The following NRSN1 variants were observed in gnomAD, a reference collection of about 807,000 sequenced individuals.
NRSN1 encodes the protein neurensin-1.
A neutral mutation model predicts 17.3 loss-of-function variants in NRSN1; 14 were observed. The ratio of observed to expected loss-of-function variants is 0.81; its 90% confidence interval spans 0.54 to 1.27. The LOEUF (loss-of-function observed/expected upper bound fraction) is 1.27. NRSN1 is among the 50% of genes most tolerant of loss of function. NRSN1 has a pLI of 0.00. For synonymous variants in NRSN1, 79 were observed against 94.2 expected (o/e 0.84, Z 0.93); for missense variants, 209 against 235.9 (o/e 0.89, Z 0.75).
chr6:24,135,812 A>G (rs1256027308), intron 3 of NRSN1, among the ~76,000 whole-genome samples: 1 of 152,174 alleles, frequency 6.6e-6, no homozygotes, highest in Non-Finnish European at 1.5e-5. Flanking sequence ...GACATAGAAG[A>G]GAAGAGGGCA....
rs796293000 is a variant in NRSN1 at position 24,142,800 on chromosome 6, G to A, written c.190-2748G>A. Among the ~76,000 whole-genome samples the A allele has an allele frequency of 5.1e-4, 77 of 152,324 alleles. 2 individuals carry two copies. The highest frequency in any genetic ancestry group is 1.7e-3 in the African/African-American group (69 of 41,578). On this transcript the variant is annotated intron_variant, in intron 3 of 3. Transcript: ENST00000378491. ...TAGTGCGGACCCAGAGTCAGCAGCA[G>A]CAAAATATACTGTGAAGAGCGAAAG...
chr6:24,133,459 G>A (rs963137943), intron 2 of NRSN1, among the ~76,000 whole-genome samples: 2 of 152,152 alleles, frequency 1.3e-5, no homozygotes, highest in South Asian at 2.1e-4. Context: ...ACATGAGATC[G>A]GAAGGCAAAA....
In NRSN1 at chr6:24,145,495, G is replaced by A. The variant is rs907534947; in HGVS notation, c.190-53G>A. 103 of 1,435,844 alleles carry A rather than the reference G, an allele frequency of 7.2e-5. No homozygotes were observed. The highest frequency in any genetic ancestry group is 7.1e-5 in the Non-Finnish European group (76 of 1,067,342). The allele number at this position is 1,435,844 out of a possible 1,614,324, so 88.9% of individuals were successfully genotyped here. On this transcript the variant is annotated intron_variant, in intron 3 of 3. Transcript: ENST00000378491. This position sits in a 1 kb window ranked among gnomAD's most constrained non-coding sequence, Gnocchi z 4.4. ...GTGCTGCCCTTGAGGGCTCAGGGGC[G>A]AGCCGAAGCACCTTCCTCACTCTAT... is the stretch of plus-strand genomic sequence containing the variant.
intron 2 of NRSN1, chr6:24,129,697 T>C (rs1343687749): frequency 1.3e-5 from 2 of 152,202 alleles, no homozygotes; most frequent in African/African-American, 4.8e-5. Context: ...TGGGTTATGA[T>C]AGGTGTGCTG....
At chr6:24,140,221 A>G (rs968693439) in intron 3 of NRSN1, among the ~76,000 whole-genome samples, 29 of 152,326 alleles carry the variant, frequency 1.9e-4, no homozygotes, top group African/African-American at 6.3e-4. Context: ...CGTGGCTGTC[A>G]AGGGTAGAAC....
In NRSN1 at chr6:24,130,639, AAAC is replaced by A. The variant is rs570671128; in HGVS notation, c.-10+2444_-10+2446del. 3.0e-3 allele frequency among the ~76,000 whole-genome samples: 451 copies of A among 152,302 alleles called. 3 individuals are homozygous for A. The highest frequency in any genetic ancestry group is 0.01 in the African/African-American group (435 of 41,564). On this transcript the variant is annotated intron_variant, in intron 2 of 3. Coordinates refer to ENST00000378491, the MANE Select transcript of NRSN1 (RefSeq NM_080723.5). The stretch of plus-strand genomic sequence containing the variant: ...ATACGTGATACTGAAGTAACTTGTT[AAAC>A]AACATACGAACATTTAGTCTACCTA...
rs71002461 is a variant in NRSN1, at chr6:24,134,004, T to TTGTGTGTGTGTGTGTGTG, written c.-9-295_-9-278dup. On this transcript the variant is annotated intron_variant, in intron 2 of 3. Coordinates refer to ENST00000378491, the MANE Select transcript of NRSN1 (RefSeq NM_080723.5). ...GGTGCCCACCACCACACCCAGCTAA[T>TTGTGTGTGTGTGTGTGTG]TGTGTGTGTGTGTGTGTGTGTGTGT... Among the ~76,000 whole-genome samples the TTGTGTGTGTGTGTGTGTG allele has an allele frequency of 6.8e-3, 900 of 132,906 alleles. 10 individuals are homozygous for TTGTGTGTGTGTGTGTGTG. Among genetic ancestry groups the TTGTGTGTGTGTGTGTGTG allele is most frequent in the Middle Eastern group, 0.014 (4 of 276 alleles). 87.2% of individuals were successfully genotyped at this position (132,906 alleles called of 152,430 possible).
At position 24,134,004 on chromosome 6, in the gene NRSN1, T is replaced by TGTGTGTGTGTG. The variant is rs1760075346; in HGVS notation, c.-9-315_-9-314insGTGTGTGTGTG. Among the ~76,000 whole-genome samples the TGTGTGTGTGTG allele has an allele frequency of 3.0e-5, 4 of 132,858 alleles. 1 individual carries two copies. Among genetic ancestry groups the TGTGTGTGTGTG allele is most frequent in the South Asian group, 2.8e-4 (1 of 3,624 alleles). 87.2% of individuals were successfully genotyped at this position (132,858 alleles called of 152,430 possible). On this transcript the variant is annotated intron_variant, in intron 2 of 3. Transcript: ENST00000378491. ...GGTGCCCACCACCACACCCAGCTAATTGTGTGTGTGTGTGTGTGTGTGTGT... is the reference window on the plus strand; with the variant it reads ...GGTGCCCACCACCACACCCAGCTAATGTGTGTGTGTGTGTGTGTGTGTGTGTGTGTGTGTGT...
chr6:24,142,184 A>C (rs980700457), intron 3 of NRSN1, among the ~76,000 whole-genome samples: 1 of 71,380 alleles, frequency 1.4e-5, no homozygotes, highest in Non-Finnish European at 3.2e-5. Flanking sequence ...TGTCTTATAC[A>C]GAACAGCTTT....
At chr6:24,144,633 A>G (rs1348321695) in intron 3 of NRSN1, among the ~76,000 whole-genome samples, 1 of 152,186 alleles carries the variant, frequency 6.6e-6, no homozygotes, top group Non-Finnish European at 1.5e-5. Context: ...ATGAGAAAGA[A>G]GTAGGTGTCA....
chr6:24,146,056 C>A lies in NRSN1; in HGVS notation c.*110C>A. 9.0e-7 allele frequency: 1 copy of A among 1,116,348 alleles called. No homozygotes were observed. Among genetic ancestry groups the A allele is most frequent in the Non-Finnish European group, 1.4e-6 (1 of 732,632 alleles). The allele number at this position is 1,116,348 out of a possible 1,614,324, so 69.2% of individuals were successfully genotyped here. A position where few individuals can be genotyped will look rare whatever the true frequency, so the allele number is the denominator to read the frequency against. ...GCGTTGACTGCCCTAGGGCTGTGTT[C>A]AGCTGTGGGCAATATAATGGGTGGA... is the stretch of plus-strand genomic sequence containing the variant. On this transcript the variant is annotated 3_prime_UTR_variant, in exon 4 of 4. Coordinates refer to ENST00000378491, the MANE Select transcript of NRSN1 (RefSeq NM_080723.5).
chr6:24,145,107 G>T lies in NRSN1; in HGVS notation c.190-441G>T, dbSNP rs1045025822. Reference sequence around the variant, plus strand: ...ATTATATATTTTATATATATCTTTAGATATATATATAATATACATATCTTT... The same window carrying T: ...ATTATATATTTTATATATATCTTTATATATATATATAATATACATATCTTT... On this transcript the variant is annotated intron_variant, in intron 3 of 3. Coordinates refer to ENST00000378491, the MANE Select transcript of NRSN1 (RefSeq NM_080723.5). This position sits in a 1 kb window ranked among gnomAD's most constrained non-coding sequence, Gnocchi z 4.4. Among the ~76,000 whole-genome samples, 74 of 135,908 alleles carry T rather than the reference G, an allele frequency of 5.4e-4. No individual in the cohort carries two copies. The highest frequency in any genetic ancestry group is 7.8e-3 in the Middle Eastern group (2 of 256). The allele number at this position is 135,908 out of a possible 152,430, so 89.2% of individuals were successfully genotyped here.
In NRSN1 at chr6:24,145,978, T is replaced by A. The variant is rs754785760; in HGVS notation, c.*32T>A. The A allele has an allele frequency of 6.3e-7, 1 of 1,577,154 alleles. No homozygotes were observed. The highest frequency in any genetic ancestry group is 2.2e-5 in the East Asian group (1 of 44,640). ...TCCCACCCCAGTTCTTCTTGTCTGA[T>A]TTATGCCCGTGGTTAAAAAGAGCAG... On this transcript the variant is annotated 3_prime_UTR_variant, in exon 4 of 4. Coordinates refer to ENST00000378491, the MANE Select transcript of NRSN1 (RefSeq NM_080723.5). This position sits in a 1 kb window ranked among gnomAD's most constrained non-coding sequence, Gnocchi z 4.4.
chr6:24,141,495 G>A (rs758827736), intron 3 of NRSN1: 37 of 167,362 alleles, frequency 2.2e-4, no homozygotes, highest in Non-Finnish European at 3.4e-4. Flanking sequence ...TTAAAGACTG[G>A]CATTAACAGC....
In NRSN1 at chr6:24,146,324, C is replaced by A. The variant is rs1435676121; in HGVS notation, c.*378C>A. The A allele has an allele frequency of 2.0e-6, 1 of 491,288 alleles. No individual in the cohort carries two copies. Among genetic ancestry groups the A allele is most frequent in the East Asian group, 6.3e-5 (1 of 15,952 alleles). The allele number at this position is 491,288 out of a possible 1,614,324, so 30.4% of individuals were successfully genotyped here. On this transcript the variant is annotated 3_prime_UTR_variant, in exon 4 of 4. Coordinates refer to ENST00000378491, the MANE Select transcript of NRSN1 (RefSeq NM_080723.5). ...ATTTTATTTTCTAATATTGGTTTAT[C>A]TAATGTTTTCTGCGTGGTGCTGTCT... is the stretch of plus-strand genomic sequence containing the variant.
chr6:24,135,341 G>C (rs1760101471), intron 3 of NRSN1, among the ~76,000 whole-genome samples: 1 of 152,184 alleles, frequency 6.6e-6, no homozygotes, highest in Admixed American at 6.6e-5. Flanking sequence ...CTGACTGAAG[G>C]TCATCCTAGA....
intron 3 of NRSN1, chr6:24,141,375 C>A: frequency 3.7e-6 from 2 of 547,090 alleles, no homozygotes; most frequent in Non-Finnish European, 5.3e-6. Context: ...CTCTCCTCAC[C>A]TCCCATATGC....
chr6:24,130,511 G>A (rs1055980328), intron 2 of NRSN1, among the ~76,000 whole-genome samples: 5 of 152,248 alleles, frequency 3.3e-5, no homozygotes, highest in African/African-American at 1.2e-4. Context: ...TAAAATTCAT[G>A]TTCTTCCAAG....
intron 2 of NRSN1, among the ~76,000 whole-genome samples, chr6:24,130,943 T>G (rs1736898799): frequency 6.6e-6 from 1 of 152,202 alleles, no homozygotes; most frequent in Admixed American, 6.5e-5. Flanking sequence ...ACTAATGAGC[T>G]TGTCTGGAAT....
Sources: gnomAD v4.1 joint callset for allele counts (sites outside exome capture counted in the v4.1 genomes callset) on GRCh38, gnomAD v4.1.1 for gene constraint, Gnocchi (gnomAD v3.1) non-coding constraint, MANE v1.5 for transcripts, NCBI Gene and HGNC (gene_info 2026-07-23, HGNC 2026-07-21) for gene names.